AIG1: variants seen among roughly 807,000 people sequenced by gnomAD.
AIG1 encodes the protein androgen induced 1.
A neutral mutation model predicts 31.4 loss-of-function variants in AIG1; 23 were observed. The ratio of observed to expected loss-of-function variants is 0.73; its 90% CI spans 0.53 to 1.04. The LOEUF (loss-of-function observed/expected upper bound fraction) is 1.04. Among genes scored for constraint, AIG1 ranks in the 50% least tolerant of loss-of-function variants. AIG1 has a pLI of 0.00. For missense variants in AIG1, 274 were observed against 295.0 expected (o/e 0.93, Z 0.52); for synonymous variants, 100 against 110.5 (o/e 0.90, Z 0.60).
In AIG1 at chr6:143,331,996, C is replaced by T. The variant is rs1488987647; in HGVS notation, c.516-1286C>T. Among the ~76,000 whole-genome samples the T allele has an allele frequency of 3.3e-5, 5 of 151,616 alleles. No individual in the cohort carries two copies. Among genetic ancestry groups the T allele is most frequent in the East Asian group, 1.9e-4 (1 of 5,156 alleles). On this transcript the variant is annotated intron_variant, in intron 4 of 5. Coordinates refer to ENST00000357847, the MANE Select transcript of AIG1 (RefSeq NM_016108.4). This position sits in a 1 kb window ranked among gnomAD's most constrained non-coding sequence, Gnocchi z 4.1. ...AAGTGATGCTTGTGCCTCAGCCTCC[C>T]GAGTAGCTGGGATTACAGGCGCGCA...
intron 3 of AIG1, among the ~76,000 whole-genome samples, chr6:143,177,728 G>C (rs1383687616): frequency 6.6e-6 from 1 of 152,194 alleles, no homozygotes; most frequent in Non-Finnish European, 1.5e-5. Context: ...GGAGTGGGCA[G>C]GTTCTCTGAC....
chr6:143,245,416 G>A (rs1794551432), intron 3 of AIG1, among the ~76,000 whole-genome samples: 1 of 152,120 alleles, frequency 6.6e-6, no homozygotes, highest in Non-Finnish European at 1.5e-5. Context: ...TTTTTCCCCT[G>A]AGGCTCTGCA....
intron 3 of AIG1, among the ~76,000 whole-genome samples, chr6:143,172,448 C>T (rs569640728): frequency 1.3e-5 from 2 of 152,194 alleles, no homozygotes; most frequent in African/African-American, 4.8e-5. Flanking sequence ...CTTTTTCACA[C>T]GTTGTTGGAT....
At chr6:143,192,023 G>T (rs1789832774) in intron 3 of AIG1, among the ~76,000 whole-genome samples, 1 of 152,202 alleles carries the variant, frequency 6.6e-6, no homozygotes, top group South Asian at 2.1e-4. Flanking sequence ...ATAAACAGTA[G>T]ATTATACAGT....
intron 3 of AIG1, among the ~76,000 whole-genome samples, chr6:143,183,915 G>A (rs1788976156): frequency 6.6e-6 from 1 of 152,158 alleles, no homozygotes; most frequent in Non-Finnish European, 1.5e-5. Context: ...CACAGACCTG[G>A]TTTCTTGGCA....
intron 3 of AIG1, among the ~76,000 whole-genome samples, chr6:143,226,246 A>ATAT (rs567989848): frequency 6.3e-5 from 9 of 142,068 alleles, no homozygotes; most frequent in African/African-American, 1.3e-4. Context: ...ATATATATAT[A>ATAT]TTTTTTTTTT....
At chr6:143,138,671 A>G (rs555295290) in intron 2 of AIG1, among the ~76,000 whole-genome samples, 25 of 152,242 alleles carry the variant, frequency 1.6e-4, no homozygotes, top group African/African-American at 5.3e-4. Flanking sequence ...AGGCGGGCAG[A>G]TCATGAGGCC....
chr6:143,324,223 A>G (rs1433231139), intron 4 of AIG1, among the ~76,000 whole-genome samples: 3 of 152,196 alleles, frequency 2.0e-5, no homozygotes, highest in Admixed American at 1.3e-4. Flanking sequence ...AGTGTTTATT[A>G]CTTTATGTCT....
At chr6:143,251,816 T>A (rs1043132706) in intron 3 of AIG1, among the ~76,000 whole-genome samples, 1 of 152,186 alleles carries the variant, frequency 6.6e-6, no homozygotes, top group Non-Finnish European at 1.5e-5. Context: ...ACACGCTGGA[T>A]AAGAAAGACA....
At chr6:143,276,361 T>C (rs1390537970) in intron 3 of AIG1, among the ~76,000 whole-genome samples, 1 of 152,208 alleles carries the variant, frequency 6.6e-6, no homozygotes, top group Non-Finnish European at 1.5e-5. Context: ...CAGAACATAC[T>C]GGCACTCAGT....
At chr6:143,236,981 T>C (rs1309763670) in intron 3 of AIG1, among the ~76,000 whole-genome samples, 2 of 150,310 alleles carry the variant, frequency 1.3e-5, no homozygotes, top group East Asian at 2.3e-4. Context: ...ATTATCACTA[T>C]CTTGGTTTTT....
chr6:143,245,328 A>G (rs2128642866), intron 3 of AIG1, among the ~76,000 whole-genome samples: 1 of 152,334 alleles, frequency 6.6e-6, no homozygotes, highest in African/African-American at 2.4e-5. Context: ...TTTAACAAAT[A>G]CAGAAGTATA....
intron 2 of AIG1, among the ~76,000 whole-genome samples, chr6:143,150,148 C>A (rs1785081728): frequency 6.6e-6 from 1 of 152,142 alleles, no homozygotes; most frequent in Non-Finnish European, 1.5e-5. Flanking sequence ...ATTCCTCCAC[C>A]CATTTTAAAC....
rs577362269 is a variant in AIG1, at chr6:143,113,056, C to G, written c.142-23779C>G. 6.2e-4 allele frequency among the ~76,000 whole-genome samples: 94 copies of G among 152,128 alleles called. 4 individuals are homozygous for G. In the South Asian group the frequency reaches 0.019, roughly 31 times the overall value. ...AAATGTTGCTGACTGGGCATGGTGG[C>G]TCACGTCTGAGATCCTAGCACTTTG... On this transcript the variant is annotated intron_variant, in intron 1 of 5. Transcript: ENST00000357847.
At chr6:143,077,602 G>A (rs904185371) in intron 1 of AIG1, among the ~76,000 whole-genome samples, 1 of 152,066 alleles carries the variant, frequency 6.6e-6, no homozygotes, top group Non-Finnish European at 1.5e-5. Flanking sequence ...TTTTCCTCTG[G>A]TTGCCTTTAT....
intron 2 of AIG1, 137 bp downstream of exon 2, chr6:143,137,127 G>A (rs547752650): frequency 1.2e-5 from 11 of 943,276 alleles, no homozygotes; most frequent in African/African-American, 1.7e-5. Context: ...CCACAGATGC[G>A]GTGGCTTAAA....
chr6:143,120,123 GGGGTCTCTCCATATT>G (rs1191839435), intron 1 of AIG1, among the ~76,000 whole-genome samples: 1 of 152,024 alleles, frequency 6.6e-6, no homozygotes, highest in African/African-American at 2.4e-5. Flanking sequence ...TAGCAGAGAT[GGGGTCTCTCCATATT>G]GGTCAGGCTG....
intron 1 of AIG1, among the ~76,000 whole-genome samples, chr6:143,079,487 G>A (rs62429604): frequency 0.056 from 8,496 of 152,212 alleles, 358 homozygotes; most frequent in Non-Finnish European, 0.09. Flanking sequence ...AAGTCCTCAG[G>A]CAGTTGATTT....
rs1789860605 is a variant in AIG1, at chr6:143,192,319, C to T, written c.399+27136C>T. 3.3e-5 allele frequency among the ~76,000 whole-genome samples: 5 copies of T among 152,252 alleles called. No homozygotes were observed. In the South Asian group the frequency reaches 1.0e-3, roughly 32 times the overall value. Reference sequence around the variant, plus strand: ...CTCAACAAAAATGCCTTCTTTTCTTCCTAGGCCAGGCATGGTGGCTCACGC... The same window carrying T: ...CTCAACAAAAATGCCTTCTTTTCTTTCTAGGCCAGGCATGGTGGCTCACGC... On this transcript the variant is annotated intron_variant, in intron 3 of 5. Transcript: ENST00000357847.
Sources: allele counts gnomAD v4.1 joint callset (sites outside exome capture counted in the v4.1 genomes callset), GRCh38; gene constraint gnomAD v4.1.1; non-coding constraint Gnocchi (gnomAD v3.1); transcripts MANE v1.5; gene names NCBI Gene and HGNC (gene_info 2026-07-23, HGNC 2026-07-21).